Variants in TFEC observed in about 807,000 individuals in gnomAD.
The protein encoded by TFEC is transcription factor EC, also known as class E basic helix-loop-helix protein 34.
TFEC carries 31 observed loss-of-function variants against 41.6 expected under a neutral mutation model. The observed-to-expected ratio is 0.74, with a 90% confidence interval of 0.56 to 1.01. The LOEUF (loss-of-function observed/expected upper bound fraction) is 1.01, where lower values mean the gene tolerates loss of function less well. Among genes scored for constraint, TFEC ranks in the 50% least tolerant of loss-of-function variants. The probability of loss-of-function intolerance (pLI) is 0.00; values close to 1 mark genes in which losing one functional copy is unlikely to be tolerated. For synonymous variants in TFEC, 143 were observed against 140.6 expected (o/e 1.02, Z -0.12); for missense variants, 402 against 404.1 (o/e 0.99, Z 0.04).
intron 3 of TFEC, among the ~76,000 whole-genome samples, chr7:116,037,164 C>T (rs907759817): frequency 6.6e-6 from 1 of 151,962 alleles, no homozygotes; most frequent in African/African-American, 2.4e-5. Context: ...AAATAAAAGG[C>T]TACTGGTACA....
At chr7:116,017,664 T>G (rs139541239) in intron 1 of TFEC, among the ~76,000 whole-genome samples, 1 of 152,188 alleles carries the variant, frequency 6.6e-6, no homozygotes, top group East Asian at 1.9e-4. Flanking sequence ...ACTGGACTTT[T>G]ACAGTTACTG....
chr7:116,020,609 T>C (rs1211430515), intron 1 of TFEC, among the ~76,000 whole-genome samples: 1 of 152,172 alleles, frequency 6.6e-6, no homozygotes, highest in Non-Finnish European at 1.5e-5. Flanking sequence ...AGCTAACATG[T>C]TTCCTTTCCT....
chr7:115,937,454 G>C lies in TFEC; in HGVS notation c.*3097C>G, dbSNP rs1457831412. 6.6e-6 allele frequency: 1 copy of C among 151,442 alleles called. No homozygotes were observed. The highest frequency in any genetic ancestry group is 1.5e-5 in the Non-Finnish European group (1 of 67,664). The allele number at this position is 151,442 out of a possible 1,614,324, so 9.4% of individuals were successfully genotyped here. On this transcript the variant is annotated 3_prime_UTR_variant, in exon 8 of 8. Transcript: ENST00000265440. Reference sequence around the variant, plus strand: ...TGTTTCTTAGATACTCAAATAATTTGCTTTTAAATTCACACTATTTTTGTT... The same window carrying C: ...TGTTTCTTAGATACTCAAATAATTTCCTTTTAAATTCACACTATTTTTGTT...
chr7:116,127,262 A>AT lies in TFEC; in HGVS notation c.-68-15225dup, dbSNP rs570263478. On this transcript the variant is annotated intron_variant, in intron 1 of 8. Transcript: ENST00000484212. The stretch of plus-strand genomic sequence containing the variant: ...AGGCACCCGCCACCACGCCCAGCTA[A>AT]TTTTTTGTATTTTTAGTAGAGACGG... Among the ~76,000 whole-genome samples, 649 of 151,586 alleles carry AT rather than the reference A, an allele frequency of 4.3e-3. 9 individuals are homozygous for AT. The highest frequency in any genetic ancestry group is 6.1e-3 in the Non-Finnish European group (411 of 67,804).
intron 3 of TFEC, chr7:115,968,183 A>G (rs1437031876): frequency 1.3e-6 from 2 of 1,525,914 alleles, no homozygotes; most frequent in Non-Finnish European, 1.8e-6. Flanking sequence ...ATACTTGCTC[A>G]CCAGTTTTAA....
chr7:115,936,137 A>G lies in TFEC; in HGVS notation c.*4414T>C, dbSNP rs1025437463. On this transcript the variant is annotated 3_prime_UTR_variant, in exon 8 of 8. Coordinates refer to ENST00000265440, the MANE Select transcript of TFEC (RefSeq NM_012252.4). ...TGTTTTCAAATTAAAATTCATACAA[A>G]CAATAAAACATTGGAACATCAATGC... 12 of 151,622 alleles carry G rather than the reference A, an allele frequency of 7.9e-5. No homozygotes were observed. The highest frequency in any genetic ancestry group is 2.9e-4 in the African/African-American group (12 of 41,412). 9.4% of individuals were successfully genotyped at this position (151,622 alleles called of 1,614,324 possible).
At chr7:116,079,953 A>C (rs1334859531) in intron 3 of TFEC, among the ~76,000 whole-genome samples, 1 of 152,144 alleles carries the variant, frequency 6.6e-6, no homozygotes. Context: ...ATACTCACCA[A>C]AACAGCATGG....
chr7:115,942,494 T>C (rs1245405750), intron 6 of TFEC, among the ~76,000 whole-genome samples: 1 of 152,046 alleles, frequency 6.6e-6, no homozygotes, highest in Admixed American at 6.6e-5. Flanking sequence ...TGCTTTTATG[T>C]TTCTAAGAAA....
intron 1 of TFEC, among the ~76,000 whole-genome samples, chr7:116,022,645 A>G (rs746875745): frequency 5.3e-5 from 8 of 152,238 alleles, no homozygotes; most frequent in Admixed American, 1.3e-4. Flanking sequence ...GCCCAGTTCA[A>G]GTTCACCATA....
At chr7:116,037,993 C>T (rs970729714) in intron 3 of TFEC, among the ~76,000 whole-genome samples, 1 of 151,938 alleles carries the variant, frequency 6.6e-6, no homozygotes, top group African/African-American at 2.4e-5. Context: ...GAAACATCAA[C>T]TCATCAATAT....
Position 116,106,919 on chromosome 7 carries a change from T to C in TFEC, c.198+3789A>G, listed in dbSNP as rs143226200. Among the ~76,000 whole-genome samples, 581 of 152,338 alleles carry C rather than the reference T, an allele frequency of 3.8e-3. 2 individuals carry two copies. The highest frequency in any genetic ancestry group is 6.1e-3 in the Non-Finnish European group (417 of 68,028). ...CACGTTAATTTTTCTTTTAATTGCATAGGCTGATCCTGTTCCCCATCAGAA... is the reference window on the plus strand; with the variant it reads ...CACGTTAATTTTTCTTTTAATTGCACAGGCTGATCCTGTTCCCCATCAGAA... On this transcript the variant is annotated intron_variant, in intron 3 of 8. Transcript: ENST00000484212.
intron 4 of TFEC, among the ~76,000 whole-genome samples, chr7:115,956,133 C>A (rs1792212023): frequency 6.6e-6 from 1 of 151,824 alleles, no homozygotes; most frequent in Admixed American, 6.6e-5. Context: ...TTTGACTATG[C>A]TCCTATAATT....
chr7:116,047,828 C>T (rs1796206658), intron 3 of TFEC, among the ~76,000 whole-genome samples: 3 of 151,960 alleles, frequency 2.0e-5, no homozygotes, highest in Non-Finnish European at 4.4e-5. Flanking sequence ...CAGGCAGCAA[C>T]ATTTGTCGTT....
Position 116,090,899 on chromosome 7 carries a change from T to C in TFEC, c.198+19809A>G, listed in dbSNP as rs567832171. 1.6e-4 allele frequency among the ~76,000 whole-genome samples: 24 copies of C among 149,318 alleles called. No individual in the cohort carries two copies. The Admixed American group carries it at 1.6e-3, about 10-fold the overall frequency. ...ACCAAACACCACATGTTGTCACTCA[T>C]AAGTTGGAGTTGAACAATGAGAACA... On this transcript the variant is annotated intron_variant, in intron 3 of 8. Coordinates refer to the TFEC transcript ENST00000484212.
At chr7:116,118,816 G>T (rs1331372365) in intron 1 of TFEC, among the ~76,000 whole-genome samples, 1 of 151,782 alleles carries the variant, frequency 6.6e-6, no homozygotes, top group African/African-American at 2.4e-5. Flanking sequence ...GTTATCCAAG[G>T]GAGAATGCAG....
chr7:116,022,364 T>G (rs1193426992), intron 1 of TFEC, among the ~76,000 whole-genome samples: 4 of 152,192 alleles, frequency 2.6e-5, no homozygotes, highest in African/African-American at 9.7e-5. Context: ...TGAAATGCAG[T>G]CTAATGCATG....
At chr7:116,081,292 C>T (rs1206048530) in intron 3 of TFEC, among the ~76,000 whole-genome samples, 1 of 150,378 alleles carries the variant, frequency 6.6e-6, no homozygotes, top group African/African-American at 2.5e-5. Context: ...ATGGGTGCAC[C>T]AAAATCTCAG....
intron 1 of TFEC, among the ~76,000 whole-genome samples, chr7:116,135,028 G>A (rs995152461): frequency 2.6e-5 from 4 of 151,966 alleles, no homozygotes; most frequent in Admixed American, 6.6e-5. Flanking sequence ...TTTGAAATGC[G>A]TCAAAACTAA....
intron 1 of TFEC, among the ~76,000 whole-genome samples, chr7:116,019,443 G>A (rs762565752): frequency 6.6e-6 from 1 of 152,082 alleles, no homozygotes; most frequent in Non-Finnish European, 1.5e-5. Context: ...TCTTTCTTAA[G>A]GCTTACACAC....
Sources: gnomAD v4.1 joint callset for allele counts (sites outside exome capture counted in the v4.1 genomes callset) on GRCh38, gnomAD v4.1.1 for gene constraint, MANE v1.5 for transcripts, NCBI Gene and HGNC (gene_info 2026-07-23, HGNC 2026-07-21) for gene names.